The following RBKS variants were observed in gnomAD, a reference collection of about 807,000 sequenced individuals.
RBKS encodes the protein ribokinase.
Under a neutral mutation model 33.9 loss-of-function variants are expected in RBKS, and 33 were observed. That is an observed-to-expected ratio of 0.97 (90% CI 0.74 to 1.30). The LOEUF (loss-of-function observed/expected upper bound fraction) is 1.30, where lower values mean the gene tolerates loss of function less well. Ranked by LOEUF, RBKS falls within the 50% of genes most tolerant of loss-of-function variation. The pLI is 0.00. For missense variants in RBKS, 361 were observed against 392.6 expected (o/e 0.92, Z 0.68); for synonymous variants, 125 against 143.0 (o/e 0.87, Z 0.90).
At chr2:27,830,554 G>A (rs1558543938) in intron 6 of RBKS, among the ~76,000 whole-genome samples, 1 of 152,126 alleles carries the variant, frequency 6.6e-6, no homozygotes, top group African/African-American at 2.4e-5. Flanking sequence ...GTTAGCCACC[G>A]CGCCTGGCTC....
chr2:27,846,560 G>A (rs1216917931), intron 4 of RBKS, among the ~76,000 whole-genome samples: 6 of 152,232 alleles, frequency 3.9e-5, no homozygotes, highest in Non-Finnish European at 8.8e-5. Context: ...TTTGATTGCT[G>A]TTGAAAGACA....
chr2:27,803,988 G>A (rs1325808771), intron 7 of RBKS, among the ~76,000 whole-genome samples: 3 of 152,178 alleles, frequency 2.0e-5, no homozygotes, highest in Non-Finnish European at 4.4e-5. Flanking sequence ...GTTGTTGTAA[G>A]CTGAGATCAC....
At chr2:27,831,739 G>GC (rs1558544294) in intron 6 of RBKS, among the ~76,000 whole-genome samples, 1 of 151,796 alleles carries the variant, frequency 6.6e-6, no homozygotes, top group Admixed American at 6.6e-5. Flanking sequence ...ATTAGCCTAG[G>GC]CAACATGGCG....
At chr2:27,829,072 T>C (rs904908335) in intron 6 of RBKS, among the ~76,000 whole-genome samples, 1 of 152,070 alleles carries the variant, frequency 6.6e-6, no homozygotes, top group Non-Finnish European at 1.5e-5. Flanking sequence ...TTTATTTTTG[T>C]AGAGACAGGA....
In RBKS at chr2:27,781,547, T is replaced by C; in HGVS notation, c.*68A>G. The C allele has an allele frequency of 7.8e-7, 1 of 1,281,508 alleles. No homozygotes were observed. The highest frequency in any genetic ancestry group is 1.1e-6 in the Non-Finnish European group (1 of 936,168). The allele number at this position is 1,281,508 out of a possible 1,614,324, so 79.4% of individuals were successfully genotyped here. ...GGACGAGGACATTTTCTAATAAGCA[T>C]TAGCCAGGAGCAGCCACCCCCAAGT... On this transcript the variant is annotated 3_prime_UTR_variant, in exon 8 of 8. Transcript: ENST00000302188.
chr2:27,860,976 T>TC (rs372774413), intron 1 of RBKS, among the ~76,000 whole-genome samples: 55 of 84,922 alleles, frequency 6.5e-4, no homozygotes, highest in South Asian at 5.1e-3. Flanking sequence ...TCTTTCTCTC[T>TC]TTTTTTTTTT....
chr2:27,866,766 T>G (rs1009050398), intron 1 of RBKS, among the ~76,000 whole-genome samples: 1 of 152,200 alleles, frequency 6.6e-6, no homozygotes, highest in African/African-American at 2.4e-5. Flanking sequence ...CTTCTGTTCA[T>G]CTTTTTCTTT....
intron 6 of RBKS, among the ~76,000 whole-genome samples, chr2:27,831,676 C>T (rs1678418143): frequency 6.6e-6 from 1 of 152,136 alleles, no homozygotes. Flanking sequence ...TACAGTGGCT[C>T]ACACTTGTAA....
At chr2:27,812,392 A>G (rs1430571556) in intron 7 of RBKS, among the ~76,000 whole-genome samples, 1 of 152,230 alleles carries the variant, frequency 6.6e-6, no homozygotes, top group African/African-American at 2.4e-5. Flanking sequence ...TCATGCTGCT[A>G]TAAAGACACA....
chr2:27,886,352 A>G (rs1161777006), intron 1 of RBKS, among the ~76,000 whole-genome samples: 1 of 152,222 alleles, frequency 6.6e-6, no homozygotes, highest in Non-Finnish European at 1.5e-5. Flanking sequence ...CTGAAGTGAT[A>G]CTAAAGAATA....
intron 7 of RBKS, among the ~76,000 whole-genome samples, chr2:27,789,949 G>GTA (rs35109548): frequency 0.093 from 11,266 of 121,282 alleles, 535 homozygotes; most frequent in Middle Eastern, 0.15. Flanking sequence ...ATGTATATGT[G>GTA]TATATATATA....
intron 3 of RBKS, 143 bp from the exon 4 acceptor site, chr2:27,847,247 G>A (rs1273060111): frequency 1.3e-5 from 7 of 555,266 alleles, no homozygotes; most frequent in African/African-American, 3.7e-5. Context: ...TAAGTAATTA[G>A]TGCTAATTTA....
In RBKS at chr2:27,781,435, A is replaced by G; in HGVS notation, c.*180T>C. Reference sequence around the variant, plus strand: ...CTTTAATTCTGGTTGTTTTGTGCAAATGCATGGAAAGCAAAAGAATCATCG... The same window carrying G: ...CTTTAATTCTGGTTGTTTTGTGCAAGTGCATGGAAAGCAAAAGAATCATCG... On this transcript the variant is annotated 3_prime_UTR_variant, in exon 8 of 8. Transcript: ENST00000302188. 1.8e-6 allele frequency: 1 copy of G among 560,266 alleles called. No individual in the cohort carries two copies. Among genetic ancestry groups the G allele is most frequent in the Non-Finnish European group, 3.1e-6 (1 of 323,080 alleles). The allele number at this position is 560,266 out of a possible 1,614,324, so 34.7% of individuals were successfully genotyped here.
chr2:27,783,929 A>G (rs1677338116), intron 7 of RBKS, among the ~76,000 whole-genome samples: 1 of 148,646 alleles, frequency 6.7e-6, no homozygotes, highest in African/African-American at 2.4e-5. Flanking sequence ...AGAAAAAAAA[A>G]AAAAGAAAAA....
intron 7 of RBKS, among the ~76,000 whole-genome samples, chr2:27,800,940 T>C (rs1339528397): frequency 6.6e-6 from 1 of 152,072 alleles, no homozygotes; most frequent in Non-Finnish European, 1.5e-5. Flanking sequence ...GGGAGAACAC[T>C]GAGAGAGGCG....
At chr2:27,858,606 T>A in intron 1 of RBKS, 35 bp from the exon 2 acceptor site, 1 of 1,591,114 alleles carries the variant, frequency 6.3e-7, no homozygotes, top group South Asian at 1.1e-5. Flanking sequence ...AAAAAGCATA[T>A]TGGTAACTGT....
intron 1 of RBKS, among the ~76,000 whole-genome samples, chr2:27,866,473 T>G (rs538217787): frequency 6.6e-6 from 1 of 152,338 alleles, no homozygotes; most frequent in East Asian, 1.9e-4. Context: ...TCAGCCATTA[T>G]TTTTTCAAAC....
rs1338369482 is a variant in RBKS, at chr2:27,837,629, G to A, written c.515-4852C>T. On this transcript the variant is annotated intron_variant, in intron 5 of 7. Coordinates refer to ENST00000302188, the MANE Select transcript of RBKS (RefSeq NM_022128.3). This position sits in a 1 kb window ranked among gnomAD's most constrained non-coding sequence, Gnocchi z 4.0. Reference sequence around the variant, plus strand: ...AGAAAATGTGGTACATATATACCATGGAATACTATGTAGCCGTAAAAAGGA... The same window carrying A: ...AGAAAATGTGGTACATATATACCATAGAATACTATGTAGCCGTAAAAAGGA... Among the ~76,000 whole-genome samples, 1 of 152,162 alleles carries A rather than the reference G, an allele frequency of 6.6e-6. No homozygotes were observed. Among genetic ancestry groups the A allele is most frequent in the African/African-American group, 2.4e-5 (1 of 41,434 alleles).
chr2:27,832,019 C>G (rs1678427017), intron 6 of RBKS, among the ~76,000 whole-genome samples: 1 of 152,178 alleles, frequency 6.6e-6, no homozygotes, highest in Non-Finnish European at 1.5e-5. Flanking sequence ...GGCGAGAGCT[C>G]TGTTCTAATG....
Sources: gnomAD v4.1 joint callset for allele counts (sites outside exome capture counted in the v4.1 genomes callset) on GRCh38, gnomAD v4.1.1 for gene constraint, Gnocchi (gnomAD v3.1) non-coding constraint, MANE v1.5 for transcripts, NCBI Gene and HGNC (gene_info 2026-07-23, HGNC 2026-07-21) for gene names.